Variants in LRP2 observed in about 807,000 individuals in gnomAD.
LRP2 encodes the protein LDL receptor related protein 2.
In LRP2, 172 loss-of-function variants were observed where a neutral mutation model predicts 531.0. The ratio of observed to expected loss-of-function variants is 0.32; its 90% CI spans 0.29 to 0.37. The LOEUF (loss-of-function observed/expected upper bound fraction) is 0.37. LRP2 is among the 10% of genes least tolerant of loss of function. LRP2 has a pLI of 1.00. For missense variants in LRP2, 5,167 were observed against 5,868.3 expected (o/e 0.88, Z 3.90); for synonymous variants, 1,992 against 2,027.6 (o/e 0.98, Z 0.47).
intron 9 of LRP2, among the ~76,000 whole-genome samples, chr2:169,285,724 G>A (rs1436222015): frequency 2.6e-5 from 4 of 152,088 alleles, no homozygotes; most frequent in Non-Finnish European, 5.9e-5. Context: ...TCAACAAACA[G>A]CATGTCCTGT....
chr2:169,128,677 C>T lies in LRP2; in HGVS notation c.13954G>A (p.Asp4652Asn). 1.2e-6 allele frequency: 2 copies of T among 1,614,100 alleles called. No individual in the cohort carries two copies. Among genetic ancestry groups the T allele is most frequent in the Non-Finnish European group, 1.7e-6 (2 of 1,179,970 alleles). ...AGCTGGTATAGCTATACTTCAGAGT[C>T]TTCTTTAACAAGATTTGCGGTGTCT... ...FKDTANLVKE[D>N]SEV Residue 4652 changes from aspartate (D) to asparagine (N), a missense_variant, in exon 79 of 79, where the codon GAC (aspartate) becomes AAC (asparagine). Asp to Asn is a conservative substitution (Grantham distance 23). Transcript: ENST00000649046.
At chr2:169,241,445 T>A (rs562712045) in intron 24 of LRP2, 80 bp from the exon 25 acceptor site, 218 of 1,508,640 alleles carry the variant, frequency 1.4e-4, no homozygotes, top group Non-Finnish European at 1.9e-4. Flanking sequence ...GAGGAAATGA[T>A]TTTGGATCCA....
intron 77 of LRP2, among the ~76,000 whole-genome samples, chr2:169,132,137 A>G (rs981673117): frequency 6.6e-6 from 1 of 152,222 alleles, no homozygotes. Context: ...AGTGGTAAAG[A>G]TCTGTAATAG....
chr2:169,327,419 C>T (rs1685114428), intron 1 of LRP2, among the ~76,000 whole-genome samples: 1 of 133,362 alleles, frequency 7.5e-6, no homozygotes, highest in Non-Finnish European at 1.6e-5. Flanking sequence ...GGCCAGCCAC[C>T]CCGTCCGGGA....
At chr2:169,196,619 C>T (rs978147191) in intron 46 of LRP2, among the ~76,000 whole-genome samples, 21 of 152,206 alleles carry the variant, frequency 1.4e-4, no homozygotes, top group African/African-American at 5.1e-4. Context: ...TGAGAGCCAA[C>T]TAAAATTAAG....
chr2:169,151,074 C>T (rs372228250), intron 67 of LRP2, 48 bp from the exon 68 acceptor site: 29 of 1,604,434 alleles, frequency 1.8e-5, no homozygotes, highest in Non-Finnish European at 2.1e-5. Flanking sequence ...CTAGAGTAAT[C>T]ATTACTGGGT....
chr2:169,188,034 G>C lies in LRP2; in HGVS notation c.9264C>G (p.Ile3088Met). Residue 3088 changes from isoleucine (I) to methionine (M), a missense_variant, in exon 49 of 79, where the codon ATC (isoleucine) becomes ATG (methionine). Physicochemically the swap from Ile to Met is conservative, Grantham distance 10 (BLOSUM62 1). This residue lies in a region of LRP2 where 1,129 missense variants were observed against 1,362.7 expected (regional missense o/e 0.83). Transcript: ENST00000649046. Reference protein sequence around the residue: ...HEFKCDNGRCIEMMKLCNHLD... With the variant: ...HEFKCDNGRCMEMMKLCNHLD... ...GGTGGTTGCAGAGTTTCATCATCTC[G>C]ATGCAGCGCCCATTGTCACACTTGA... is the stretch of plus-strand genomic sequence containing the variant. 6.2e-7 allele frequency: 1 copy of C among 1,614,030 alleles called. No individual in the cohort carries two copies. Among genetic ancestry groups the C allele is most frequent in the Non-Finnish European group, 8.5e-7 (1 of 1,180,002 alleles).
chr2:169,194,740 G>A (rs1262433459), intron 46 of LRP2, among the ~76,000 whole-genome samples: 2 of 73,182 alleles, frequency 2.7e-5, no homozygotes, highest in African/African-American at 5.6e-5. Flanking sequence ...TTTTTTTTTG[G>A]AGACAGAGTC....
chr2:169,315,708 A>G (rs1458035248), intron 3 of LRP2, among the ~76,000 whole-genome samples: 3 of 152,114 alleles, frequency 2.0e-5, no homozygotes, highest in Non-Finnish European at 2.9e-5. Context: ...CTACCAAAGA[A>G]TCTTAGTTAG....
chr2:169,325,738 G>A (rs1030504968), intron 1 of LRP2, among the ~76,000 whole-genome samples: 1 of 151,992 alleles, frequency 6.6e-6, no homozygotes, highest in Non-Finnish European at 1.5e-5. Context: ...CTCTTTCTGT[G>A]CAACATTTTA....
rs1686194488 is a variant in LRP2 at position 169,362,419 on chromosome 2, C to A, written c.-20G>T. 6.5e-7 allele frequency: 1 copy of A among 1,546,026 alleles called. No homozygotes were observed. The highest frequency in any genetic ancestry group is 8.7e-7 in the Non-Finnish European group (1 of 1,147,426). On this transcript the variant is annotated 5_prime_UTR_variant, in exon 1 of 79. In the 5' UTR this introduces an upstream ATG that the reference lacks. Coordinates refer to ENST00000649046, the MANE Select transcript of LRP2 (RefSeq NM_004525.3). ...ATCCATCTCCGCGACGGTCCCCGGCCTCGCCGTTCCTTCCCCGGGAGGTGG... is the reference window on the plus strand; with the variant it reads ...ATCCATCTCCGCGACGGTCCCCGGCATCGCCGTTCCTTCCCCGGGAGGTGG...
intron 7 of LRP2, 71 bp from the exon 8 acceptor site, chr2:169,291,068 T>G: frequency 7.2e-7 from 1 of 1,397,640 alleles, no homozygotes; most frequent in South Asian, 1.2e-5. Context: ...ATCAGTGGTT[T>G]ACAGAGGATG....
At position 169,160,685 on chromosome 2, in the gene LRP2, A is replaced by AAAAAAAAAAAAAAAAAAAAAAAAAAAAAC. The variant is rs970862922; in HGVS notation, c.11887+1786_11887+1787insGTTTTTTTTTTTTTTTTTTTTTTTTTTTT. Among the ~76,000 whole-genome samples the AAAAAAAAAAAAAAAAAAAAAAAAAAAAAC allele has an allele frequency of 2.1e-5, 2 of 94,230 alleles. 1 individual carries two copies. Among genetic ancestry groups the AAAAAAAAAAAAAAAAAAAAAAAAAAAAAC allele is most frequent in the South Asian group, 7.1e-4 (2 of 2,810 alleles). 61.8% of individuals were successfully genotyped at this position (94,230 alleles called of 152,430 possible). A position where few individuals can be genotyped will look rare whatever the true frequency, so the allele number is the denominator to read the frequency against. ...TTGTTTGTGCTACTTATTTCCTTAA[A>AAAAAAAAAAAAAAAAAAAAAAAAAAAAAC]AAAAAAAAAACCTGCTACTAATTAA... is the stretch of plus-strand genomic sequence containing the variant. On this transcript the variant is annotated intron_variant, in intron 63 of 78. Transcript: ENST00000649046.
At chr2:169,328,472 A>C (rs1685182374) in intron 1 of LRP2, among the ~76,000 whole-genome samples, 1 of 149,882 alleles carries the variant, frequency 6.7e-6, no homozygotes, top group South Asian at 2.1e-4. Context: ...AAAGAAAAAA[A>C]AAGAAATAAA....
At chr2:169,311,396 T>A (rs1293412695) in intron 3 of LRP2, among the ~76,000 whole-genome samples, 5 of 152,232 alleles carry the variant, frequency 3.3e-5, no homozygotes, top group African/African-American at 4.8e-5. Context: ...TCTGGTATGT[T>A]GTGTCTTTGT....
At chr2:169,359,400 A>G (rs1397313281) in intron 1 of LRP2, among the ~76,000 whole-genome samples, 2 of 152,180 alleles carry the variant, frequency 1.3e-5, no homozygotes, top group Non-Finnish European at 2.9e-5. Flanking sequence ...TTAACAACAG[A>G]TGTGGTATAA....
At chr2:169,294,511 A>C in intron 5 of LRP2, 89 bp downstream of exon 5, 3 of 973,240 alleles carry the variant, frequency 3.1e-6, no homozygotes, top group Non-Finnish European at 3.3e-6. Context: ...ACTGAACCTG[A>C]ACTTGGGAAG....
chr2:169,268,564 A>G (rs1461226236), intron 16 of LRP2, among the ~76,000 whole-genome samples: 2 of 152,368 alleles, frequency 1.3e-5, no homozygotes, highest in East Asian at 3.9e-4. Context: ...ACAGCCCTTC[A>G]TGCTAAATCA....
At chr2:169,227,975 T>C (rs1370202703) in intron 31 of LRP2, among the ~76,000 whole-genome samples, 1 of 152,172 alleles carries the variant, frequency 6.6e-6, no homozygotes, top group Non-Finnish European at 1.5e-5. Flanking sequence ...GCCCTTCTTC[T>C]CTCAGCTGCT....
Sources: allele counts gnomAD v4.1 joint callset (sites outside exome capture counted in the v4.1 genomes callset), GRCh38; gene constraint gnomAD v4.1.1; regional missense constraint gnomAD v4.1.1; transcripts MANE v1.5; gene names NCBI Gene and HGNC (gene_info 2026-07-23, HGNC 2026-07-21).